The following SLC5A1 variants were observed in gnomAD, a reference collection of about 807,000 sequenced individuals.
SLC5A1 encodes the protein solute carrier family 5 member 1, also known as sodium/glucose cotransporter 1.
Under a neutral mutation model 73.5 loss-of-function variants are expected in SLC5A1, and 42 were observed. The observed-to-expected ratio is 0.57, with a 90% confidence interval of 0.45 to 0.74. The LOEUF (loss-of-function observed/expected upper bound fraction) is 0.74, where lower values mean the gene tolerates loss of function less well. SLC5A1 is among the 30% of genes least tolerant of loss of function. SLC5A1 has a pLI of 0.00. For synonymous variants in SLC5A1, 300 were observed against 317.4 expected (o/e 0.95, Z 0.58); for missense variants, 634 against 855.4 (o/e 0.74, Z 3.23).
At chr22:32,077,286 C>T (rs961871592) in intron 5 of SLC5A1, among the ~76,000 whole-genome samples, 1 of 150,178 alleles carries the variant, frequency 6.7e-6, no homozygotes, top group African/African-American at 2.5e-5. Flanking sequence ...CTCTCTCCCT[C>T]TGTTACCTTC....
At chr22:32,109,110 G>A (rs1331123373) in intron 14 of SLC5A1, among the ~76,000 whole-genome samples, 1 of 152,124 alleles carries the variant, frequency 6.6e-6, no homozygotes, top group Non-Finnish European at 1.5e-5. Context: ...GGAGTTCACG[G>A]CTGCAGTGAG....
Position 32,079,147 on chromosome 22 carries a change from A to C in SLC5A1, c.478-2719A>C, listed in dbSNP as rs112244456. On this transcript the variant is annotated intron_variant, in intron 5 of 14. Coordinates refer to ENST00000266088, the MANE Select transcript of SLC5A1 (RefSeq NM_000343.4). ...GAAAACAAACAAACAAACAAACAAA[A>C]AAAAACAACCCTAGTGGGTTTGTTT... is the stretch of plus-strand genomic sequence containing the variant. Among the ~76,000 whole-genome samples the C allele has an allele frequency of 2.8e-3, 424 of 152,216 alleles. 1 individual carries two copies. Among genetic ancestry groups the C allele is most frequent in the African/African-American group, 7.5e-3 (311 of 41,524 alleles).
intron 5 of SLC5A1, among the ~76,000 whole-genome samples, chr22:32,078,956 A>G (rs1189391029): frequency 0.07 from 1,929 of 27,650 alleles, 16 homozygotes; most frequent in African/African-American, 0.11. Flanking sequence ...TCTGTCTCCA[A>G]AAAAAAAAAA....
intron 10 of SLC5A1, among the ~76,000 whole-genome samples, chr22:32,087,505 CAAGA>C (rs1313366429): frequency 6.6e-6 from 1 of 152,070 alleles, no homozygotes; most frequent in East Asian, 1.9e-4. Context: ...GGGAAAGAGG[CAAGA>C]TTTCAGCTCT....
rs947701089 is a variant in SLC5A1, at chr22:32,111,962, A to C, written c.*1749A>C. 1 of 152,122 alleles carries C rather than the reference A, an allele frequency of 6.6e-6. No individual in the cohort carries two copies. The highest frequency in any genetic ancestry group is 1.5e-5 in the Non-Finnish European group (1 of 68,024). 9.4% of individuals were successfully genotyped at this position (152,122 alleles called of 1,614,324 possible). A position where few individuals can be genotyped will look rare whatever the true frequency, so the allele number is the denominator to read the frequency against. ...AAGCAGAAGCTGCTTTGACCGTGAA[A>C]ATATTTGACTCCTATCAGTTTTTGG... On this transcript the variant is annotated 3_prime_UTR_variant, in exon 15 of 15. Transcript: ENST00000266088.
chr22:32,059,232 A>C (rs2093956519), intron 2 of SLC5A1: 2 of 985,242 alleles, frequency 2.0e-6, no homozygotes, highest in Non-Finnish European at 2.4e-6. Context: ...CTCTGTCCCA[A>C]AAGTGGGCTC....
intron 2 of SLC5A1, among the ~76,000 whole-genome samples, chr22:32,066,348 A>T (rs1269242008): frequency 6.6e-6 from 1 of 152,026 alleles, no homozygotes; most frequent in Non-Finnish European, 1.5e-5. Context: ...ATTATTATTA[A>T]TATCATCTCT....
At chr22:32,096,320 C>T (rs749619112) in intron 11 of SLC5A1, among the ~76,000 whole-genome samples, 2 of 152,166 alleles carry the variant, frequency 1.3e-5, no homozygotes, top group African/African-American at 2.4e-5. Context: ...GGTTGAGGCT[C>T]ATCCTGCCTA....
At chr22:32,048,045 G>C (rs1263567665) in intron 1 of SLC5A1, among the ~76,000 whole-genome samples, 1 of 151,720 alleles carries the variant, frequency 6.6e-6, no homozygotes, top group African/African-American at 2.4e-5. Context: ...CCATCTACTC[G>C]GGAGGCTGAG....
At chr22:32,052,461 C>T (rs1603104146) in intron 2 of SLC5A1, among the ~76,000 whole-genome samples, 1 of 152,190 alleles carries the variant, frequency 6.6e-6, no homozygotes, top group Admixed American at 6.5e-5. Context: ...AGTCCCAACA[C>T]ATGGGTGGGG....
intron 14 of SLC5A1, among the ~76,000 whole-genome samples, chr22:32,107,283 G>A (rs1157132939): frequency 6.6e-6 from 1 of 152,198 alleles, no homozygotes; most frequent in Non-Finnish European, 1.5e-5. Context: ...TATTTTGAGT[G>A]TCAAAAGATC....
At chr22:32,048,906 C>G (rs2093940642) in intron 1 of SLC5A1, among the ~76,000 whole-genome samples, 1 of 151,794 alleles carries the variant, frequency 6.6e-6, no homozygotes, top group African/African-American at 2.4e-5. Flanking sequence ...CCAGTCTCTA[C>G]TAAAAATACA....
chr22:32,095,707 CT>C (rs1030094533), intron 11 of SLC5A1, among the ~76,000 whole-genome samples: 2 of 152,138 alleles, frequency 1.3e-5, no homozygotes, highest in African/African-American at 2.4e-5. Flanking sequence ...CATGGGATGT[CT>C]TTTTCCACCC....
At position 32,060,088 on chromosome 22, in the gene SLC5A1, T is replaced by C. The variant is rs897940220; in HGVS notation, c.208-6847T>C. On this transcript the variant is annotated intron_variant, in intron 2 of 14. Transcript: ENST00000266088. The stretch of plus-strand genomic sequence containing the variant: ...ACACATATATATATACACACATGTA[T>C]ACACACACATATATATACACACACA... Among the ~76,000 whole-genome samples the C allele has an allele frequency of 3.4e-5, 5 of 147,462 alleles. No homozygotes were observed. The South Asian group carries it at 1.1e-3, about 31-fold the overall frequency.
intron 3 of SLC5A1, 105 bp from the exon 4 acceptor site, chr22:32,067,862 A>T (rs913741885): frequency 1.4e-5 from 16 of 1,161,884 alleles, no homozygotes; most frequent in Non-Finnish European, 2.1e-5. Flanking sequence ...TCCTTAGGGG[A>T]GAACATGCTG....
chr22:32,081,429 A>T (rs1250412755), intron 5 of SLC5A1, among the ~76,000 whole-genome samples: 5 of 151,800 alleles, frequency 3.3e-5, no homozygotes, highest in Admixed American at 6.6e-5. Flanking sequence ...TCACTTATGG[A>T]CTCTCCAGCA....
intron 2 of SLC5A1, among the ~76,000 whole-genome samples, chr22:32,054,966 C>T (rs1248151997): frequency 6.6e-6 from 1 of 152,126 alleles, no homozygotes; most frequent in Non-Finnish European, 1.5e-5. Flanking sequence ...TGAGCCACTG[C>T]ACCCGGCCAA....
chr22:32,095,859 G>A (rs1015795829), intron 11 of SLC5A1, among the ~76,000 whole-genome samples: 1 of 152,198 alleles, frequency 6.6e-6, no homozygotes, highest in Non-Finnish European at 1.5e-5. Flanking sequence ...TTCAACGTTA[G>A]TATTGAGATG....
At chr22:32,068,119 T>C (rs746728740) in intron 4 of SLC5A1, 93 bp downstream of exon 4, 9 of 1,256,934 alleles carry the variant, frequency 7.2e-6, no homozygotes, top group Non-Finnish European at 1.1e-5. Context: ...ATGGGATAAA[T>C]GGCAGAAAAA....
Sources: gnomAD v4.1 joint callset for allele counts (sites outside exome capture counted in the v4.1 genomes callset) on GRCh38, gnomAD v4.1.1 for gene constraint, MANE v1.5 for transcripts, NCBI Gene and HGNC (gene_info 2026-07-23, HGNC 2026-07-21) for gene names.